The following XPO4 variants were observed in gnomAD, a reference collection of about 807,000 sequenced individuals.
The protein encoded by XPO4 is exportin 4.
XPO4 carries 39 observed loss-of-function variants against 143.0 expected under a neutral mutation model. That is an observed-to-expected ratio of 0.27 (90% CI 0.21 to 0.36). The LOEUF (loss-of-function observed/expected upper bound fraction) is 0.36. Among genes scored for constraint, XPO4 ranks in the 10% least tolerant of loss-of-function variants. The pLI, the probability that XPO4 is intolerant of heterozygous loss-of-function variation, is 1.00. For missense variants in XPO4, 907 were observed against 1,348.0 expected (o/e 0.67, Z 5.12); for synonymous variants, 439 against 474.0 (o/e 0.93, Z 0.96).
intron 4 of XPO4, chr13:20,848,872 A>G (rs1356646252): frequency 6.1e-6 from 6 of 981,512 alleles, no homozygotes; most frequent in Admixed American, 1.2e-4. Flanking sequence ...TCAAAGTTAT[A>G]AAAAAAAGTC....
chr13:20,853,830 T>C (rs1035198229), intron 4 of XPO4, among the ~76,000 whole-genome samples: 1 of 152,222 alleles, frequency 6.6e-6, no homozygotes, highest in Admixed American at 6.5e-5. Context: ...CATCACCAAC[T>C]GCCACAAGTG....
intron 1 of XPO4, among the ~76,000 whole-genome samples, chr13:20,870,871 C>A (rs74649768): frequency 0.079 from 12,049 of 152,212 alleles, 971 homozygotes; most frequent in East Asian, 0.3. Flanking sequence ...AGTACAGTAG[C>A]ATGATCACAG....
chr13:20,861,162 A>G (rs146018599), intron 3 of XPO4, among the ~76,000 whole-genome samples: 1 of 152,306 alleles, frequency 6.6e-6, no homozygotes, highest in African/African-American at 2.4e-5. Context: ...GGAAATGAAC[A>G]TCTAAAGTAT....
At chr13:20,857,010 T>A (rs760196598) in intron 3 of XPO4, 26 of 439,072 alleles carry the variant, frequency 5.9e-5, no homozygotes, top group Non-Finnish European at 7.9e-5. Flanking sequence ...ATTTATTAGA[T>A]ATTTATACAG....
chr13:20,866,130 T>C, intron 2 of XPO4: 1 of 985,310 alleles, frequency 1.0e-6, no homozygotes, highest in Non-Finnish European at 1.2e-6. Context: ...AAAGGAACAT[T>C]TGATCCTAAA....
chr13:20,865,376 A>G, intron 2 of XPO4: 5 of 730,150 alleles, frequency 6.8e-6, no homozygotes, highest in Non-Finnish European at 8.4e-6. Flanking sequence ...ACCTCAAGTG[A>G]TCCACCCACC....
In XPO4 at chr13:20,778,565, C is replaced by T. The variant is rs1197566283; in HGVS notation, c.*5157G>A. ...ATATGCACCAAAGATAATGACTTAA[C>T]TAGTAACTGTGAAACTGTTTCTAAG... On this transcript the variant is annotated 3_prime_UTR_variant, in exon 23 of 23. Transcript: ENST00000255305. 3 of 152,124 alleles carry T rather than the reference C, an allele frequency of 2.0e-5. No homozygotes were observed. The highest frequency in any genetic ancestry group is 4.4e-5 in the Non-Finnish European group (3 of 68,014). The allele number at this position is 152,124 out of a possible 1,614,324, so 9.4% of individuals were successfully genotyped here. A position where few individuals can be genotyped will look rare whatever the true frequency, so the allele number is the denominator to read the frequency against.
In XPO4 at chr13:20,855,860, T is replaced by G. The variant is rs1301133669; in HGVS notation, c.318-95A>C. 3 of 1,291,806 alleles carry G rather than the reference T, an allele frequency of 2.3e-6. No individual in the cohort carries two copies. The East Asian group carries it at 7.3e-5, about 31-fold the overall frequency. 80.0% of individuals were successfully genotyped at this position (1,291,806 alleles called of 1,614,324 possible). A position where few individuals can be genotyped will look rare whatever the true frequency, so the allele number is the denominator to read the frequency against. On this transcript the variant is annotated intron_variant, in intron 3 of 22. Transcript: ENST00000255305. ...CTATGCCTGAAGCTACTAATAACAT[T>G]GCTTACATGTGAGAGTAGAAGAGCC...
At chr13:20,850,105 C>T (rs2060068136) in intron 4 of XPO4, 1 of 984,458 alleles carries the variant, frequency 1.0e-6, no homozygotes, top group South Asian at 4.7e-5. Context: ...GACTCTGTCT[C>T]AACAAAAACC....
Position 20,821,846 on chromosome 13 carries a change from A to G in XPO4, c.1031T>C (p.Ile344Thr), listed in dbSNP as rs754010494. The G allele has an allele frequency of 6.2e-7, 1 of 1,613,970 alleles. No individual in the cohort carries two copies. Among genetic ancestry groups the G allele is most frequent in the Non-Finnish European group, 8.5e-7 (1 of 1,179,910 alleles). The change falls in exon 9 of 23, where the codon ATC becomes ACC. Residue 344 changes from isoleucine (I) to threonine (T), a missense_variant. Ile to Thr is a moderately conservative substitution (Grantham distance 89). Transcript: ENST00000255305. ...TATCAGGTTGCTGATAATGCTGGAG[A>G]TCCCCACAGCTTCAGAATCTTCTAT... ...IEIEDSEAVG[I>T]SSIISNLITV...
At chr13:20,812,309 G>C (rs1267900030) in intron 9 of XPO4, among the ~76,000 whole-genome samples, 1 of 151,978 alleles carries the variant, frequency 6.6e-6, no homozygotes, top group Non-Finnish European at 1.5e-5. Context: ...AGGCAGAGGG[G>C]AGACCCACAC....
intron 2 of XPO4, chr13:20,865,350 TG>T: frequency 2.4e-6 from 1 of 417,096 alleles, no homozygotes. Context: ...TTGGTCAGGT[TG>T]GTCTCAAACT....
chr13:20,902,222 G>C (rs952067911), intron 1 of XPO4: 63 of 985,172 alleles, frequency 6.4e-5, no homozygotes, highest in Non-Finnish European at 7.5e-5. Context: ...GAATGCACAG[G>C]AAACAAGGGT....
chr13:20,787,955 T>C (rs2059227947), intron 20 of XPO4, among the ~76,000 whole-genome samples: 1 of 152,118 alleles, frequency 6.6e-6, no homozygotes, highest in Non-Finnish European at 1.5e-5. Context: ...AACCAGGGAC[T>C]GAATGCCTCA....
At chr13:20,863,351 T>C (rs921012532) in intron 2 of XPO4, among the ~76,000 whole-genome samples, 1 of 152,104 alleles carries the variant, frequency 6.6e-6, no homozygotes, top group African/African-American at 2.4e-5. Flanking sequence ...AGTTCAGAAA[T>C]AAAAACAATC....
At chr13:20,851,001 A>T (rs780596224) in intron 4 of XPO4, 13 of 985,302 alleles carry the variant, frequency 1.3e-5, no homozygotes, top group Non-Finnish European at 1.6e-5. Context: ...TCACCTTTAT[A>T]AAGAAAGTTT....
chr13:20,816,620 T>C (rs779421777), intron 9 of XPO4, among the ~76,000 whole-genome samples: 4 of 152,204 alleles, frequency 2.6e-5, no homozygotes, highest in Non-Finnish European at 5.9e-5. Context: ...ACAATAGTTA[T>C]AACAGTAAGT....
intron 18 of XPO4, among the ~76,000 whole-genome samples, chr13:20,791,758 T>C (rs1214410248): frequency 2.0e-5 from 3 of 152,166 alleles, no homozygotes; most frequent in African/African-American, 7.2e-5. Context: ...AAGCATGATT[T>C]TTCTGTCTCT....
intron 1 of XPO4, among the ~76,000 whole-genome samples, chr13:20,900,381 CAA>C (rs1186187921): frequency 1.4e-5 from 2 of 142,152 alleles, no homozygotes; most frequent in Non-Finnish European, 3.1e-5. Context: ...GAGACTTGGT[CAA>C]AAAAAAAAGA....
Sources: allele counts gnomAD v4.1 joint callset (sites outside exome capture counted in the v4.1 genomes callset), GRCh38; gene constraint gnomAD v4.1.1; transcripts MANE v1.5; gene names NCBI Gene and HGNC (gene_info 2026-07-23, HGNC 2026-07-21).